Variants in ARHGEF3 observed in about 807,000 individuals in gnomAD.
ARHGEF3 encodes the protein 59.8 kDA protein.
Under a neutral mutation model 63.2 loss-of-function variants are expected in ARHGEF3, and 28 were observed. The ratio of observed to expected loss-of-function variants is 0.44; its 90% CI spans 0.33 to 0.61. The LOEUF (loss-of-function observed/expected upper bound fraction) is 0.61, where lower values mean the gene tolerates loss of function less well. Ranked by LOEUF, ARHGEF3 falls within the 20% of genes least tolerant of loss-of-function variation. ARHGEF3 has a pLI of 0.03. For missense variants in ARHGEF3, 533 were observed against 659.3 expected (o/e 0.81, Z 2.10); for synonymous variants, 266 against 254.2 (o/e 1.05, Z -0.44).
At chr3:57,055,628 G>T (rs1437390234) in intron 1 of ARHGEF3, among the ~76,000 whole-genome samples, 1 of 152,150 alleles carries the variant, frequency 6.6e-6, no homozygotes, top group Non-Finnish European at 1.5e-5. Context: ...AAGTGAGGTA[G>T]GATATACTTT....
At chr3:57,007,851 C>T (rs1290513884) in intron 2 of ARHGEF3, among the ~76,000 whole-genome samples, 1 of 152,220 alleles carries the variant, frequency 6.6e-6, no homozygotes, top group Non-Finnish European at 1.5e-5. Context: ...CCCCTCTCCT[C>T]CTGCATAACA....
chr3:56,747,064 CAGAGAG>C (rs5849167), intron 6 of ARHGEF3, among the ~76,000 whole-genome samples: 8,256 of 148,220 alleles, frequency 0.056, 247 homozygotes, highest in Middle Eastern at 0.073. Context: ...CACACACACA[CAGAGAG>C]AGAGAGAGAG....
At chr3:56,952,273 T>C (rs1699848790) in intron 3 of ARHGEF3, among the ~76,000 whole-genome samples, 1 of 152,184 alleles carries the variant, frequency 6.6e-6, no homozygotes, top group African/African-American at 2.4e-5. Context: ...GCAAGCTCTC[T>C]GACAGCGACC....
At chr3:56,891,341 C>CTTTT (rs146940929) in intron 3 of ARHGEF3, among the ~76,000 whole-genome samples, 3 of 140,572 alleles carry the variant, frequency 2.1e-5, no homozygotes, top group East Asian at 2.1e-4. Context: ...TAGTACACTG[C>CTTTT]TTTTTTTTTT....
At chr3:56,982,490 CTG>C (rs1701363155) in intron 2 of ARHGEF3, among the ~76,000 whole-genome samples, 1 of 152,130 alleles carries the variant, frequency 6.6e-6, no homozygotes, top group African/African-American at 2.4e-5. Context: ...CTGTTGGAAA[CTG>C]TGGCCCTCTC....
At chr3:56,955,856 G>C (rs114503646) in intron 3 of ARHGEF3, among the ~76,000 whole-genome samples, 141 of 152,318 alleles carry the variant, frequency 9.3e-4, no homozygotes, top group African/African-American at 3.1e-3. Flanking sequence ...GTTTCCACTT[G>C]GTTGGGTTCC....
At chr3:56,922,372 T>C (rs918235487) in intron 3 of ARHGEF3, among the ~76,000 whole-genome samples, 1 of 150,716 alleles carries the variant, frequency 6.6e-6, no homozygotes, top group Admixed American at 6.7e-5. Context: ...AAAAAAAGTT[T>C]AAAAACTGAT....
At chr3:56,797,294 C>T (rs1002687908) in intron 1 of ARHGEF3, among the ~76,000 whole-genome samples, 1 of 152,194 alleles carries the variant, frequency 6.6e-6, no homozygotes, top group African/African-American at 2.4e-5. Flanking sequence ...ACATATTTTC[C>T]TCTTCTGTTG....
rs546556922 is a variant in ARHGEF3 at position 57,016,446 on chromosome 3, G to C, written c.62+18642C>G. 1.3e-3 allele frequency among the ~76,000 whole-genome samples: 202 copies of C among 152,066 alleles called. 1 individual carries two copies. Among genetic ancestry groups the C allele is most frequent in the African/African-American group, 4.7e-3 (194 of 41,472 alleles). On this transcript the variant is annotated intron_variant, in intron 2 of 12. Coordinates refer to the ARHGEF3 transcript ENST00000338458. Reference sequence around the variant, plus strand: ...CGCCTATAATCTCAGCTACTCGGGAGGCTGAGGCAGAGAATTGCTTAAACC... The same window carrying C: ...CGCCTATAATCTCAGCTACTCGGGACGCTGAGGCAGAGAATTGCTTAAACC...
At chr3:57,067,322 G>A (rs1705597755) in intron 1 of ARHGEF3, among the ~76,000 whole-genome samples, 1 of 151,758 alleles carries the variant, frequency 6.6e-6, no homozygotes, top group Non-Finnish European at 1.5e-5. Flanking sequence ...GGGCGTGGTG[G>A]CGGGCGCCTG....
At chr3:56,943,643 A>G (rs1457118871) in intron 3 of ARHGEF3, among the ~76,000 whole-genome samples, 2 of 152,154 alleles carry the variant, frequency 1.3e-5, no homozygotes, top group African/African-American at 4.8e-5. Flanking sequence ...GGTCAGGCAC[A>G]GTGGTTCACA....
chr3:56,942,587 T>C (rs1017571175), intron 3 of ARHGEF3, among the ~76,000 whole-genome samples: 2 of 152,160 alleles, frequency 1.3e-5, no homozygotes, highest in Non-Finnish European at 2.9e-5. Context: ...AACCCTAGAA[T>C]GGTCTCTAAG....
At chr3:56,766,362 C>G (rs1365279605) in intron 2 of ARHGEF3, among the ~76,000 whole-genome samples, 2 of 152,122 alleles carry the variant, frequency 1.3e-5, no homozygotes, top group African/African-American at 2.4e-5. Context: ...TGCTAGAAAC[C>G]CTTCTTTGCC....
At chr3:57,033,146 G>A (rs992835862) in intron 2 of ARHGEF3, among the ~76,000 whole-genome samples, 2 of 152,178 alleles carry the variant, frequency 1.3e-5, no homozygotes, top group African/African-American at 4.8e-5. Context: ...AGGAGATCTG[G>A]TGCCCAGGTG....
rs1361419043 is a variant in ARHGEF3, at chr3:56,856,701, G to T, written c.192+25591C>A. 5.6e-5 allele frequency among the ~76,000 whole-genome samples: 6 copies of T among 106,598 alleles called. No homozygotes were observed. In the East Asian group the frequency reaches 1.3e-3, roughly 22 times the overall value. The allele number at this position is 106,598 out of a possible 152,430, so 69.9% of individuals were successfully genotyped here. A position where few individuals can be genotyped will look rare whatever the true frequency, so the allele number is the denominator to read the frequency against. On this transcript the variant is annotated intron_variant, in intron 4 of 12. Transcript: ENST00000338458. ...GCCAAATTCTTTTCCATCTTGAGAG[G>T]TTTTTTGTTTTTTTTTTTTAACTTC... is the stretch of plus-strand genomic sequence containing the variant.
chr3:56,857,278 A>G (rs965151290), intron 4 of ARHGEF3, among the ~76,000 whole-genome samples: 1 of 151,984 alleles, frequency 6.6e-6, no homozygotes, highest in African/African-American at 2.4e-5. Flanking sequence ...AGGAACTCCT[A>G]TTTTCCGCAA....
At chr3:56,881,580 A>G (rs1344624129) in intron 4 of ARHGEF3, among the ~76,000 whole-genome samples, 1 of 152,214 alleles carries the variant, frequency 6.6e-6, no homozygotes, top group Non-Finnish European at 1.5e-5. Context: ...AAGCTTTTCC[A>G]CCTTGATCAT....
intron 2 of ARHGEF3, among the ~76,000 whole-genome samples, chr3:57,011,051 C>T (rs1171015501): frequency 6.6e-6 from 1 of 152,174 alleles, no homozygotes; most frequent in Non-Finnish European, 1.5e-5. Flanking sequence ...GGGAAATGCT[C>T]CCGCCCGCTT....
At chr3:56,987,538 T>G (rs1368890318) in intron 2 of ARHGEF3, among the ~76,000 whole-genome samples, 1 of 152,116 alleles carries the variant, frequency 6.6e-6, no homozygotes, top group East Asian at 1.9e-4. Context: ...TGAAAGGGAC[T>G]CTGGGGACGG....
Sources: allele counts gnomAD v4.1 joint callset (sites outside exome capture counted in the v4.1 genomes callset), GRCh38; gene constraint gnomAD v4.1.1; transcripts MANE v1.5; gene names NCBI Gene and HGNC (gene_info 2026-07-23, HGNC 2026-07-21).